Variants in ORC6 observed in about 807,000 individuals in gnomAD.
ORC6 encodes the protein origin recognition complex, subunit 6 homolog-like (yeast).
A neutral mutation model predicts 30.0 loss-of-function variants in ORC6; 31 were observed. The observed-to-expected ratio is 1.03, with a 90% CI of 0.78 to 1.40. The LOEUF (loss-of-function observed/expected upper bound fraction) is 1.40, where lower values mean the gene tolerates loss of function less well. ORC6 is among the 40% of genes most tolerant of loss of function. The probability of loss-of-function intolerance (pLI) is 0.00; values close to 1 mark genes in which losing one functional copy is unlikely to be tolerated. For missense variants in ORC6, 340 were observed against 304.3 expected (o/e 1.12, Z -0.87); for synonymous variants, 136 against 111.2 (o/e 1.22, Z -1.40).
At position 46,695,694 on chromosome 16, in the gene ORC6, A is replaced by G. The variant is rs1966511002; in HGVS notation, c.562+20A>G. 3 of 1,422,562 alleles carry G rather than the reference A, an allele frequency of 2.1e-6. No homozygotes were observed. The highest frequency in any genetic ancestry group is 2.8e-5 in the African/African-American group (2 of 71,138). 88.1% of individuals were successfully genotyped at this position (1,422,562 alleles called of 1,614,324 possible). ...TCGACAGTAAGTATTCTGTAGTTCAAGAATGCGTCATTTGAAAATGTAGTC... is the reference window on the plus strand; with the variant it reads ...TCGACAGTAAGTATTCTGTAGTTCAGGAATGCGTCATTTGAAAATGTAGTC... On this transcript the variant is annotated intron_variant, in intron 5 of 6. Transcript: ENST00000219097.
At chr16:46,696,582 G>A (rs1966519809) in intron 6 of ORC6, among the ~76,000 whole-genome samples, 1 of 152,180 alleles carries the variant, frequency 6.6e-6, no homozygotes, top group Admixed American at 6.5e-5. Flanking sequence ...GCAAATGGCT[G>A]CATTATTGTT....
At position 46,689,762 on chromosome 16, in the gene ORC6, CAT is replaced by C; in HGVS notation, c.58_59del (p.Met20AlafsTer50). 1.3e-6 allele frequency: 2 copies of C among 1,596,988 alleles called. No homozygotes were observed. Among genetic ancestry groups the C allele is most frequent in the Non-Finnish European group, 1.7e-6 (2 of 1,172,662 alleles). On this transcript the variant is annotated frameshift_variant, in exon 1 of 7. Transcript: ENST00000219097. LOFTEE classifies it high-confidence loss of function. The stretch of plus-strand genomic sequence containing the variant: ...CGCGCCTGGGCCTCGCCGAGCCCGA[CAT>C]GCTGAGGTGAGTTCGGCCGCGCAAG... Reference protein sequence around the residue: ...APRLGLAEPDMLRKAEEYLRL... With the variant: ...APRLGLAEPDXLRKAEEYLRL...
rs768760107 is a variant in ORC6, at chr16:46,697,508, C to G, written c.682C>G (p.Leu228Val). Residue 228 changes from leucine to valine, a missense_variant, in exon 7 of 7, where the codon CTG becomes GTG. Leu to Val is a conservative substitution (Grantham distance 32). Coordinates refer to ENST00000219097, the MANE Select transcript of ORC6 (RefSeq NM_014321.4). ...MPHKPQKDED[L>V]TQDYEEWKRK... Reference sequence around the variant, plus strand: ...ACATAAACCACAGAAAGATGAAGATCTGACACAGGATTATGAAGAATGGAA... The same window carrying G: ...ACATAAACCACAGAAAGATGAAGATGTGACACAGGATTATGAAGAATGGAA... 16 of 1,613,334 alleles carry G rather than the reference C, an allele frequency of 9.9e-6. No individual in the cohort carries two copies. In the South Asian group the frequency reaches 1.6e-4, roughly 17 times the overall value.
Position 46,698,274 on chromosome 16 carries a change from A to G in ORC6, c.*689A>G. On this transcript the variant is annotated 3_prime_UTR_variant, in exon 7 of 7. Transcript: ENST00000219097. Reference sequence around the variant, plus strand: ...GGCAGTCCCTTGTCTTATTCAGAATATAAAATTCAGTCTGAATGGCATCTT... The same window carrying G: ...GGCAGTCCCTTGTCTTATTCAGAATGTAAAATTCAGTCTGAATGGCATCTT... The G allele has an allele frequency of 2.2e-6, 1 of 454,954 alleles. No individual in the cohort carries two copies. The highest frequency in any genetic ancestry group is 4.4e-6 in the Non-Finnish European group (1 of 226,422). The allele number at this position is 454,954 out of a possible 1,614,324, so 28.2% of individuals were successfully genotyped here.
At chr16:46,694,493 AC>A (rs1279108729) in intron 4 of ORC6, 12 of 135,988 alleles carry the variant, frequency 8.8e-5, no homozygotes, top group South Asian at 4.8e-4. Flanking sequence ...GGGGGGGCTG[AC>A]CCCCCCCACC....
intron 5 of ORC6, 152 bp downstream of exon 5, chr16:46,695,826 G>A: frequency 1.3e-6 from 1 of 754,230 alleles, no homozygotes; most frequent in Non-Finnish European, 2.4e-6. Context: ...TCTAACCTAT[G>A]ATTCCATGAA....
chr16:46,695,104 G>A (rs1966504463), intron 4 of ORC6: 1 of 205,758 alleles, frequency 4.9e-6, no homozygotes, highest in South Asian at 7.7e-5. Context: ...GGTCTTGACA[G>A]GTCTATTCTG....
chr16:46,690,954 G>A (rs1372912173), intron 1 of ORC6, 37 bp from the exon 2 acceptor site: 2 of 1,613,238 alleles, frequency 1.2e-6, no homozygotes, highest in African/African-American at 1.3e-5. Flanking sequence ...GCAAACTTCT[G>A]AATAAGTTGT....
At chr16:46,693,612 C>T (rs570414617) in intron 4 of ORC6, 4 of 174,206 alleles carry the variant, frequency 2.3e-5, no homozygotes, top group East Asian at 1.6e-4. Flanking sequence ...CTAGCCTAGA[C>T]AGCATAATAA....
At chr16:46,690,739 G>A (rs1966425938) in intron 1 of ORC6, 1 of 524,672 alleles carries the variant, frequency 1.9e-6, no homozygotes, top group Non-Finnish European at 3.5e-6. Context: ...ATGGAAGGAG[G>A]AAAGAAGGGT....
At chr16:46,692,995 A>G in intron 3 of ORC6, 98 bp from the exon 4 acceptor site, 1 of 820,052 alleles carries the variant, frequency 1.2e-6, no homozygotes. Flanking sequence ...GACAGCACAC[A>G]TATCCATTTT....
chr16:46,692,186 C>T (rs936693551), intron 2 of ORC6, among the ~76,000 whole-genome samples, 196 bp from the exon 3 acceptor site: 3 of 152,072 alleles, frequency 2.0e-5, no homozygotes, highest in Non-Finnish European at 4.4e-5. Flanking sequence ...ATAGTTTGAA[C>T]TCTTTGAAAG....
Position 46,697,805 on chromosome 16 carries a change from A to T in ORC6, c.*220A>T. 1.6e-6 allele frequency: 1 copy of T among 643,874 alleles called. No homozygotes were observed. The highest frequency in any genetic ancestry group is 3.4e-4 in the Middle Eastern group (1 of 2,946). The allele number at this position is 643,874 out of a possible 1,614,324, so 39.9% of individuals were successfully genotyped here. On this transcript the variant is annotated 3_prime_UTR_variant, in exon 7 of 7. Coordinates refer to ENST00000219097, the MANE Select transcript of ORC6 (RefSeq NM_014321.4). Reference sequence around the variant, plus strand: ...CACAGTGCCTGATTGGTATAGCCTTATGTGCTTTCCTACAAAATGGAATTG... The same window carrying T: ...CACAGTGCCTGATTGGTATAGCCTTTTGTGCTTTCCTACAAAATGGAATTG...
rs759858620 is a variant in ORC6, at chr16:46,698,133, C to T, written c.*548C>T. 8 of 435,450 alleles carry T rather than the reference C, an allele frequency of 1.8e-5. No individual in the cohort carries two copies. Among genetic ancestry groups the T allele is most frequent in the South Asian group, 3.2e-5 (2 of 63,038 alleles). 27.0% of individuals were successfully genotyped at this position (435,450 alleles called of 1,614,324 possible). A position where few individuals can be genotyped will look rare whatever the true frequency, so the allele number is the denominator to read the frequency against. Reference sequence around the variant, plus strand: ...TATCTCATAAATAAATAGATAGATACTCCAGCCTGGGTGACAGAGCGAGAC... The same window carrying T: ...TATCTCATAAATAAATAGATAGATATTCCAGCCTGGGTGACAGAGCGAGAC... On this transcript the variant is annotated 3_prime_UTR_variant, in exon 7 of 7. Coordinates refer to ENST00000219097, the MANE Select transcript of ORC6 (RefSeq NM_014321.4).
chr16:46,697,168 G>C (rs1250530699), intron 6 of ORC6, among the ~76,000 whole-genome samples: 1 of 152,108 alleles, frequency 6.6e-6, no homozygotes, highest in Non-Finnish European at 1.5e-5. Context: ...TGGAGTGTAA[G>C]GGAGGGAAAA....
rs772901365 is a variant in ORC6, at chr16:46,696,012, T to C, written c.563-5T>C. The C allele has an allele frequency of 1.2e-6, 2 of 1,609,086 alleles. No homozygotes were observed. The highest frequency in any genetic ancestry group is 1.7e-6 in the Non-Finnish European group (2 of 1,175,386). On this transcript the variant is annotated splice_region_variant and splice_polypyrimidine_tract_variant and intron_variant, in intron 5 of 6. Coordinates refer to ENST00000219097, the MANE Select transcript of ORC6 (RefSeq NM_014321.4). ...AAAAATTAACCTTGATAACACTTCTTAAAGGAGAACCTGGAGATGTAGCTA... is the reference window on the plus strand; with the variant it reads ...AAAAATTAACCTTGATAACACTTCTCAAAGGAGAACCTGGAGATGTAGCTA...
chr16:46,690,757 T>C, intron 1 of ORC6: 2 of 574,778 alleles, frequency 3.5e-6, no homozygotes, highest in Middle Eastern at 4.7e-4. Flanking sequence ...GGTAATTTTT[T>C]TGTCAAAATT....
chr16:46,695,405 A>T, intron 4 of ORC6, 157 bp from the exon 5 acceptor site: 3 of 630,432 alleles, frequency 4.8e-6, no homozygotes, highest in Non-Finnish European at 8.4e-6. Flanking sequence ...ACAACTAAAC[A>T]ACTTAGCATA....
rs1315360086 is a variant in ORC6, at chr16:46,697,872, T to C, written c.*287T>C. 1.0e-5 allele frequency: 5 copies of C among 483,930 alleles called. No homozygotes were observed. Among genetic ancestry groups the C allele is most frequent in the East Asian group, 5.9e-5 (1 of 16,992 alleles). 30.0% of individuals were successfully genotyped at this position (483,930 alleles called of 1,614,324 possible). A position where few individuals can be genotyped will look rare whatever the true frequency, so the allele number is the denominator to read the frequency against. On this transcript the variant is annotated 3_prime_UTR_variant, in exon 7 of 7. Transcript: ENST00000219097. ...GCTCACGCCTGTAATCCCAGCACTT[T>C]GGGAGGCCAAGGTGGGTGGATCACC... is the stretch of plus-strand genomic sequence containing the variant.
Sources: gnomAD v4.1 joint callset for allele counts (sites outside exome capture counted in the v4.1 genomes callset) on GRCh38, gnomAD v4.1.1 for gene constraint, MANE v1.5 for transcripts, NCBI Gene and HGNC (gene_info 2026-07-23, HGNC 2026-07-21) for gene names.